Variants in EDIL3 observed in about 807,000 individuals in gnomAD.
The protein encoded by EDIL3 is EGF like and discoidin domains 3, also known as EGF-like repeat and discoidin I-like domain-containing protein 3.
A neutral mutation model predicts 67.4 loss-of-function variants in EDIL3; 37 were observed. That is an observed-to-expected ratio of 0.55 (90% CI 0.42 to 0.72). The LOEUF (loss-of-function observed/expected upper bound fraction) is 0.72. Ranked by LOEUF, EDIL3 falls within the 30% of genes least tolerant of loss-of-function variation. The pLI, the probability that EDIL3 is intolerant of heterozygous loss-of-function variation, is 0.00. For missense variants in EDIL3, 527 were observed against 586.3 expected (o/e 0.90, Z 1.04); for synonymous variants, 195 against 196.3 (o/e 0.99, Z 0.05).
intron 4 of EDIL3, among the ~76,000 whole-genome samples, chr5:84,163,762 T>G (rs1168669629): frequency 6.6e-6 from 1 of 152,094 alleles, no homozygotes; most frequent in Non-Finnish European, 1.5e-5. Flanking sequence ...AAAACACATG[T>G]ATAAACTTGC....
At chr5:84,116,839 TA>T (rs1561436160) in intron 5 of EDIL3, among the ~76,000 whole-genome samples, 1 of 152,172 alleles carries the variant, frequency 6.6e-6, no homozygotes, top group African/African-American at 2.4e-5. Flanking sequence ...CTGTTGAAGC[TA>T]AGCCAGCTTT....
At chr5:84,335,936 C>G (rs1429957216) in intron 1 of EDIL3, among the ~76,000 whole-genome samples, 1 of 152,176 alleles carries the variant, frequency 6.6e-6, no homozygotes, top group African/African-American at 2.4e-5. Context: ...ACTGTTTCCT[C>G]AGATGGAGGA....
chr5:84,065,575 T>G (rs935072995), intron 7 of EDIL3, among the ~76,000 whole-genome samples: 1 of 151,982 alleles, frequency 6.6e-6, no homozygotes, highest in Non-Finnish European at 1.5e-5. Context: ...TGGAATGATC[T>G]CCAGTCCTGA....
At chr5:83,998,545 T>C (rs1044465380) in intron 9 of EDIL3, among the ~76,000 whole-genome samples, 14 of 152,038 alleles carry the variant, frequency 9.2e-5, no homozygotes, top group African/African-American at 3.4e-4. Flanking sequence ...GACTCCTGCT[T>C]GAGGGAAGGA....
At chr5:84,239,088 A>G (rs559235206) in intron 2 of EDIL3, among the ~76,000 whole-genome samples, 1 of 152,258 alleles carries the variant, frequency 6.6e-6, no homozygotes, top group African/African-American at 2.4e-5. Context: ...CCCAGAGCTC[A>G]CCTCTAGAAA....
intron 5 of EDIL3, among the ~76,000 whole-genome samples, chr5:84,109,503 C>T (rs1023764513): frequency 1.1e-4 from 17 of 151,972 alleles, no homozygotes; most frequent in African/African-American, 4.1e-4. Context: ...GAGACTTCAT[C>T]TCAAAAAACA....
rs1561218435 is a variant in EDIL3 at position 84,200,802 on chromosome 5, G to A, written c.227-20281C>T. 2.6e-5 allele frequency among the ~76,000 whole-genome samples: 4 copies of A among 152,012 alleles called. No individual in the cohort carries two copies. In the South Asian group the frequency reaches 8.3e-4, roughly 31 times the overall value. On this transcript the variant is annotated intron_variant, in intron 3 of 10. Coordinates refer to ENST00000296591, the MANE Select transcript of EDIL3 (RefSeq NM_005711.5). Reference sequence around the variant, plus strand: ...AGTAAGTAAACACTTTCTTTGGAACGCATTGGCATAATGGGAAAGAAACGG... The same window carrying A: ...AGTAAGTAAACACTTTCTTTGGAACACATTGGCATAATGGGAAAGAAACGG...
At chr5:84,365,125 T>C (rs527557790) in intron 1 of EDIL3, among the ~76,000 whole-genome samples, 5 of 152,104 alleles carry the variant, frequency 3.3e-5, no homozygotes, top group Non-Finnish European at 7.4e-5. Context: ...TATGCACTTA[T>C]TTTTTATTCA....
chr5:84,085,615 C>T (rs1747055722), intron 6 of EDIL3, among the ~76,000 whole-genome samples: 1 of 152,186 alleles, frequency 6.6e-6, no homozygotes, highest in African/African-American at 2.4e-5. Context: ...TGTCTGTCGA[C>T]CCCTGTTGGG....
chr5:83,986,633 A>C (rs1190186249), intron 9 of EDIL3, among the ~76,000 whole-genome samples: 1 of 152,128 alleles, frequency 6.6e-6, no homozygotes, highest in Non-Finnish European at 1.5e-5. Flanking sequence ...GTCTGAGTAT[A>C]GTGGGACAAG....
At chr5:83,970,258 A>ATATATATATATATATATT (rs1744768268) in intron 9 of EDIL3, among the ~76,000 whole-genome samples, 1 of 20,184 alleles carries the variant, frequency 5.0e-5, no homozygotes, top group Non-Finnish European at 4.5e-4. Context: ...GTCACTAATT[A>ATATATATATATATATATT]TATATATATA....
At chr5:84,112,406 T>C (rs531159231) in intron 5 of EDIL3, among the ~76,000 whole-genome samples, 1 of 152,174 alleles carries the variant, frequency 6.6e-6, no homozygotes, top group Non-Finnish European at 1.5e-5. Context: ...AATGGAGTGT[T>C]TGAATTTCAA....
At chr5:84,060,568 A>T (rs1056766702) in intron 8 of EDIL3, 84 bp from the exon 9 acceptor site, 1 of 1,420,978 alleles carries the variant, frequency 7.0e-7, no homozygotes, top group Admixed American at 2.2e-5. Context: ...AGGCAAGAGA[A>T]GATTAAACAT....
chr5:84,227,258 A>C (rs1744468825), intron 3 of EDIL3, among the ~76,000 whole-genome samples: 1 of 152,076 alleles, frequency 6.6e-6, no homozygotes, highest in Admixed American at 6.6e-5. Context: ...CAACCCCAGT[A>C]AAAATTGGGC....
chr5:83,995,901 A>G (rs1745230572), intron 9 of EDIL3, among the ~76,000 whole-genome samples: 1 of 152,186 alleles, frequency 6.6e-6, no homozygotes, highest in African/African-American at 2.4e-5. Context: ...AGCTAAGACA[A>G]TGTGCACTCT....
At chr5:84,030,929 T>C (rs914817095) in intron 9 of EDIL3, among the ~76,000 whole-genome samples, 1 of 100,354 alleles carries the variant, frequency 1.0e-5, no homozygotes, top group Non-Finnish European at 2.5e-5. Context: ...AAAAACAACA[T>C]TTTTTTTTCT....
In EDIL3 at chr5:84,308,901, C is replaced by T. The variant is rs1002820006; in HGVS notation, c.68-54689G>A. ...TGCAACCTTATGATCACGGAAGTGG[C>T]GAAAATTCCATCACCAATCACTCAG... On this transcript the variant is annotated intron_variant, in intron 1 of 10. Transcript: ENST00000296591. Among the ~76,000 whole-genome samples, 6 of 152,066 alleles carry T rather than the reference C, an allele frequency of 3.9e-5. No individual in the cohort carries two copies. In the East Asian group the frequency reaches 9.6e-4, roughly 24 times the overall value.
At chr5:84,358,404 TC>T (rs1480107522) in intron 1 of EDIL3, among the ~76,000 whole-genome samples, 1 of 152,144 alleles carries the variant, frequency 6.6e-6, no homozygotes, top group Non-Finnish European at 1.5e-5. Context: ...GCTATTGCTT[TC>T]ATATATTGTG....
intron 9 of EDIL3, among the ~76,000 whole-genome samples, chr5:83,970,005 T>C (rs908705957): frequency 6.6e-6 from 1 of 151,600 alleles, no homozygotes; most frequent in African/African-American, 2.4e-5. Flanking sequence ...TATCTAGCTG[T>C]AATCTTATTT....
Sources: gnomAD v4.1 joint callset for allele counts (sites outside exome capture counted in the v4.1 genomes callset) on GRCh38, gnomAD v4.1.1 for gene constraint, MANE v1.5 for transcripts, NCBI Gene and HGNC (gene_info 2026-07-23, HGNC 2026-07-21) for gene names.